Variants in MAGI2 observed in about 807,000 individuals in gnomAD.
MAGI2 encodes the protein membrane-associated guanylate kinase, WW and PDZ domain-containing protein 2.
In MAGI2, 35 loss-of-function variants were observed where a neutral mutation model predicts 133.3. The observed-to-expected ratio is 0.26, with a 90% CI of 0.20 to 0.35. The LOEUF (loss-of-function observed/expected upper bound fraction) is 0.35. Ranked by LOEUF, MAGI2 falls within the 10% of genes least tolerant of loss-of-function variation. The pLI is 1.00. For synonymous variants in MAGI2, 729 were observed against 710.6 expected (o/e 1.03, Z -0.41); for missense variants, 1,636 against 1,863.4 (o/e 0.88, Z 2.25).
chr7:78,834,179 A>C (rs1198729316), intron 2 of MAGI2, among the ~76,000 whole-genome samples: 1 of 152,152 alleles, frequency 6.6e-6, no homozygotes, highest in Non-Finnish European at 1.5e-5. Flanking sequence ...TATTTTTATC[A>C]GAGCTTTAAA....
intron 1 of MAGI2, among the ~76,000 whole-genome samples, chr7:79,379,114 C>T (rs1264168298): frequency 6.6e-6 from 1 of 150,446 alleles, no homozygotes; most frequent in Non-Finnish European, 1.5e-5. Context: ...TCCCTCCTCC[C>T]CCCCACCCCA....
intron 1 of MAGI2, among the ~76,000 whole-genome samples, chr7:79,011,330 A>G (rs915408810): frequency 3.3e-5 from 5 of 152,260 alleles, no homozygotes; most frequent in Middle Eastern, 3.4e-3. Context: ...CTTGGATTGG[A>G]GAGACATAAT....
chr7:78,762,163 G>GATTAAAACAAGTAGAGATTTTTGT (rs71085563), intron 2 of MAGI2, among the ~76,000 whole-genome samples: 1 of 152,102 alleles, frequency 6.6e-6, no homozygotes, highest in Non-Finnish European at 1.5e-5. Context: ...GAGATTTTTG[G>GATTAAAACAAGTAGAGATTTTTGT]CCGGGCATGG....
chr7:78,998,388 A>G (rs144174345), intron 2 of MAGI2, among the ~76,000 whole-genome samples: 89 of 152,298 alleles, frequency 5.8e-4, no homozygotes, highest in African/African-American at 2.1e-3. Flanking sequence ...TAGAGCAGAA[A>G]GAGCCATTAG....
intron 21 of MAGI2, among the ~76,000 whole-genome samples, chr7:78,021,695 A>G (rs1808409577): frequency 6.6e-6 from 1 of 152,204 alleles, no homozygotes; most frequent in South Asian, 2.1e-4. Flanking sequence ...CTTCTTCCAT[A>G]CACTGATGTC....
chr7:78,406,734 C>T (rs1797413180), intron 6 of MAGI2, among the ~76,000 whole-genome samples: 1 of 151,946 alleles, frequency 6.6e-6, no homozygotes, highest in Non-Finnish European at 1.5e-5. Context: ...GCCATTTTAC[C>T]ACATGCCAAA....
chr7:79,079,071 C>A (rs529402836), intron 1 of MAGI2, among the ~76,000 whole-genome samples: 2 of 152,252 alleles, frequency 1.3e-5, no homozygotes, highest in East Asian at 3.9e-4. Flanking sequence ...TTCCCTAATT[C>A]ATTTCTCCCA....
In MAGI2 at chr7:78,267,764, C is replaced by G. The variant is rs191042504; in HGVS notation, c.1409-11183G>C. On this transcript the variant is annotated intron_variant, in intron 9 of 21. Transcript: ENST00000354212. ...ACCACTACCCTCTCCGTGTTAGACA[C>G]TGCACACAGATTCTTAAGGGGATGA... Among the ~76,000 whole-genome samples the G allele has an allele frequency of 5.9e-5, 9 of 152,324 alleles. No homozygotes were observed. The East Asian group carries it at 1.7e-3, about 29-fold the overall frequency.
At chr7:79,042,065 G>T (rs1562822889) in intron 1 of MAGI2, among the ~76,000 whole-genome samples, 2 of 152,062 alleles carry the variant, frequency 1.3e-5, no homozygotes, top group Admixed American at 6.5e-5. Flanking sequence ...ATAAGGCATA[G>T]ACTGGGAGAA....
At chr7:78,339,236 A>C (rs1316170678) in intron 9 of MAGI2, among the ~76,000 whole-genome samples, 1 of 152,208 alleles carries the variant, frequency 6.6e-6, no homozygotes, top group African/African-American at 2.4e-5. Flanking sequence ...TCAGCAAGTT[A>C]AATGCATAGA....
chr7:78,641,410 A>G (rs1406660190), intron 2 of MAGI2, among the ~76,000 whole-genome samples: 1 of 152,194 alleles, frequency 6.6e-6, no homozygotes, highest in Non-Finnish European at 1.5e-5. Flanking sequence ...GTTATTAGAG[A>G]TAAAACTGGA....
Position 78,438,770 on chromosome 7 carries a change from A to G in MAGI2, c.1045+50991T>C, listed in dbSNP as rs370287819. 2.0e-5 allele frequency among the ~76,000 whole-genome samples: 3 copies of G among 152,190 alleles called. No individual in the cohort carries two copies. The East Asian group carries it at 5.8e-4, about 29-fold the overall frequency. On this transcript the variant is annotated intron_variant, in intron 6 of 21. Transcript: ENST00000354212. ...AATGGATTTTCTCCACAAAACATGA[A>G]TTTCTAAAGCCTGGATTTTGCCCCA...
At chr7:78,382,736 C>A (rs1269987874) in intron 6 of MAGI2, among the ~76,000 whole-genome samples, 3 of 152,000 alleles carry the variant, frequency 2.0e-5, no homozygotes, top group African/African-American at 7.2e-5. Context: ...CACCCTTTAA[C>A]CCACTTTTCT....
At chr7:78,935,906 A>G (rs1800473202) in intron 2 of MAGI2, among the ~76,000 whole-genome samples, 1 of 152,044 alleles carries the variant, frequency 6.6e-6, no homozygotes, top group African/African-American at 2.4e-5. Context: ...CCATTATTGC[A>G]ACCATCACAT....
intron 3 of MAGI2, among the ~76,000 whole-genome samples, chr7:78,606,054 G>A (rs1805777582): frequency 6.6e-6 from 1 of 152,126 alleles, no homozygotes; most frequent in African/African-American, 2.4e-5. Context: ...AGACTTGAAA[G>A]GACCTCATGA....
rs560740932 is a variant in MAGI2 at position 78,643,272 on chromosome 7, G to A, written c.419-16033C>T. Among the ~76,000 whole-genome samples, 3 of 152,232 alleles carry A rather than the reference G, an allele frequency of 2.0e-5. No individual in the cohort carries two copies. In the South Asian group the frequency reaches 6.2e-4, roughly 32 times the overall value. Reference sequence around the variant, plus strand: ...CAAGAAAGTAGCTGGGGTGCACCAAGGACTGATATCTTTGGAATGAAATGT... The same window carrying A: ...CAAGAAAGTAGCTGGGGTGCACCAAAGACTGATATCTTTGGAATGAAATGT... On this transcript the variant is annotated intron_variant, in intron 2 of 21. Transcript: ENST00000354212.
chr7:79,037,725 G>T (rs925527003), intron 1 of MAGI2, among the ~76,000 whole-genome samples: 2 of 152,188 alleles, frequency 1.3e-5, no homozygotes, highest in Non-Finnish European at 2.9e-5. Context: ...GAATGACCAT[G>T]CAAGTTCCAC....
chr7:78,713,677 C>A (rs549902068), intron 2 of MAGI2, among the ~76,000 whole-genome samples: 1 of 152,230 alleles, frequency 6.6e-6, no homozygotes, highest in South Asian at 2.1e-4. Context: ...TCAGAGCTGT[C>A]ATACACAAAT....
At chr7:79,115,854 GTTTTTTTTTTT>G (rs59398227) in intron 1 of MAGI2, among the ~76,000 whole-genome samples, 3 of 93,944 alleles carry the variant, frequency 3.2e-5, no homozygotes, top group African/African-American at 1.3e-4. Context: ...ATGTTTTAAA[GTTTTTTTTTTT>G]TTTTTTTTTT....
Sources: allele counts gnomAD v4.1 joint callset (sites outside exome capture counted in the v4.1 genomes callset), GRCh38; gene constraint gnomAD v4.1.1; transcripts MANE v1.5; gene names NCBI Gene and HGNC (gene_info 2026-07-23, HGNC 2026-07-21).